Variants in FIBCD1 observed in about 807,000 individuals in gnomAD.
The protein encoded by FIBCD1 is fibrinogen C domain containing 1, also known as fibrinogen C domain-containing protein 1.
In FIBCD1, 47 loss-of-function variants were observed where a neutral mutation model predicts 45.1. That is an observed-to-expected ratio of 1.04 (90% CI 0.82 to 1.33). The LOEUF is 1.33. Among genes scored for constraint, FIBCD1 ranks in the 40% most tolerant of loss-of-function variants. The pLI, the probability that FIBCD1 is intolerant of heterozygous loss-of-function variation, is 0.00. For synonymous variants in FIBCD1, 313 were observed against 308.1 expected (o/e 1.02, Z -0.17); for missense variants, 653 against 682.2 (o/e 0.96, Z 0.48).
intron 5 of FIBCD1, among the ~76,000 whole-genome samples, chr9:130,906,354 T>A (rs1831928875): frequency 6.6e-6 from 1 of 152,176 alleles, no homozygotes; most frequent in Non-Finnish European, 1.5e-5. Context: ...CGCTTCTCCC[T>A]CCTGCCTGCC....
chr9:130,915,357 A>T (rs1159697773), intron 4 of FIBCD1, among the ~76,000 whole-genome samples: 1 of 152,194 alleles, frequency 6.6e-6, no homozygotes, highest in East Asian at 1.9e-4. Context: ...CACTGAAACC[A>T]CATACGGCCG....
At chr9:130,916,896 G>C (rs1321717520) in intron 4 of FIBCD1, among the ~76,000 whole-genome samples, 1 of 152,210 alleles carries the variant, frequency 6.6e-6, no homozygotes, top group Non-Finnish European at 1.5e-5. Flanking sequence ...TCAGGAGTTC[G>C]AGACCAGTCT....
chr9:130,929,497 T>C (rs1832408976), intron 2 of FIBCD1, 70 bp downstream of exon 2: 1 of 1,468,908 alleles, frequency 6.8e-7, no homozygotes, highest in Non-Finnish European at 9.0e-7. Context: ...ATCAGGCGCC[T>C]GGCACATGGC....
In FIBCD1 at chr9:130,913,488, T is replaced by C. The variant is rs372678703; in HGVS notation, c.850-1600A>G. On this transcript the variant is annotated intron_variant, in intron 4 of 6. Transcript: ENST00000372338. ...ATGCTCTGAGCCCTGCTCTGAGCCC[T>C]CGGGGACGTGTCCGTCACGGCGTTT... 9.5e-4 allele frequency among the ~76,000 whole-genome samples: 131 copies of C among 138,332 alleles called. 1 individual carries two copies. Among genetic ancestry groups the C allele is most frequent in the African/African-American group, 3.7e-3 (117 of 31,520 alleles). The allele number at this position is 138,332 out of a possible 152,430, so 90.8% of individuals were successfully genotyped here.
intron 4 of FIBCD1, among the ~76,000 whole-genome samples, chr9:130,914,862 G>A (rs1474187005): frequency 6.6e-6 from 1 of 152,358 alleles, no homozygotes; most frequent in Non-Finnish European, 1.5e-5. Flanking sequence ...ATGATGGGCA[G>A]TCGAGACTCA....
upstream of FIBCD1, among the ~76,000 whole-genome samples, chr9:130,940,161 G>A (rs948675271): frequency 6.6e-6 from 1 of 152,236 alleles, no homozygotes; most frequent in South Asian, 2.1e-4. Context: ...TACGCGTCCG[G>A]CACTGGCGGG....
intron 4 of FIBCD1, among the ~76,000 whole-genome samples, chr9:130,917,056 C>G (rs1013640763): frequency 6.6e-6 from 1 of 152,210 alleles, no homozygotes; most frequent in Non-Finnish European, 1.5e-5. Flanking sequence ...CAAGATCACA[C>G]CACTGCACTC....
At chr9:130,923,401 C>A (rs1303632730) in intron 4 of FIBCD1, among the ~76,000 whole-genome samples, 1 of 152,188 alleles carries the variant, frequency 6.6e-6, no homozygotes, top group African/African-American at 2.4e-5. Context: ...AGCCCTGGAA[C>A]CCACGTTAGC....
At chr9:130,918,743 A>C (rs1832207202) in intron 4 of FIBCD1, among the ~76,000 whole-genome samples, 1 of 152,152 alleles carries the variant, frequency 6.6e-6, no homozygotes. Flanking sequence ...CAGTGCCCCC[A>C]GGGAGGCCTC....
chr9:130,929,477 G>A, intron 2 of FIBCD1, 90 bp downstream of exon 2: 4 of 1,433,764 alleles, frequency 2.8e-6, no homozygotes, highest in Non-Finnish European at 9.2e-7. Context: ...GATTAAGTGA[G>A]GCCATGGACA....
In FIBCD1 at chr9:130,929,781, G is replaced by A. The variant is rs1274347071; in HGVS notation, c.338C>T (p.Ala113Val). The change falls in exon 2 of 7, where the codon GCC (alanine) becomes GTC (valine). Residue 113 changes from alanine (A) to valine (V), a missense_variant. Physicochemically the swap from Ala to Val is moderately conservative, Grantham distance 64. Coordinates refer to ENST00000372338, the MANE Select transcript of FIBCD1 (RefSeq NM_032843.5). ...CTCTGTCAGCGCCTGCAGCACCGAGGCCTGGGCGCTCTCCAGGCGTGCGAA... is the reference window on the plus strand; with the variant it reads ...CTCTGTCAGCGCCTGCAGCACCGAGACCTGGGCGCTCTCCAGGCGTGCGAA... ...DSFARLESAQ[A>V]SVLQALTEHQ... 1.9e-6 allele frequency: 3 copies of A among 1,555,622 alleles called. No homozygotes were observed. The highest frequency in any genetic ancestry group is 2.6e-6 in the Non-Finnish European group (3 of 1,149,930).
At chr9:130,914,983 G>T (rs1415783016) in intron 4 of FIBCD1, among the ~76,000 whole-genome samples, 1 of 152,262 alleles carries the variant, frequency 6.6e-6, no homozygotes, top group Non-Finnish European at 1.5e-5. Context: ...CCAGCGGCCA[G>T]GCGGCCGTGA....
intron 1 of FIBCD1, among the ~76,000 whole-genome samples, chr9:130,933,464 G>A (rs112947864): frequency 2.0e-5 from 3 of 152,284 alleles, no homozygotes; most frequent in African/African-American, 7.2e-5. Flanking sequence ...TGAGCCGGGA[G>A]CCCTGGGTTC....
intron 2 of FIBCD1, among the ~76,000 whole-genome samples, chr9:130,927,713 G>A (rs1832382652): frequency 6.6e-6 from 1 of 152,374 alleles, no homozygotes; most frequent in Non-Finnish European, 1.5e-5. Flanking sequence ...CTGTTGCTCA[G>A]GCTGGAGTGC....
At chr9:130,904,382 G>C in intron 6 of FIBCD1, 59 bp from the exon 7 acceptor site, 1 of 1,536,486 alleles carries the variant, frequency 6.5e-7, no homozygotes, top group Non-Finnish European at 8.7e-7. Flanking sequence ...CACTGGTGTT[G>C]CATGTGTGAG....
At chr9:130,930,548 A>C (rs1171419924) in intron 1 of FIBCD1, among the ~76,000 whole-genome samples, 3 of 151,996 alleles carry the variant, frequency 2.0e-5, no homozygotes, top group Non-Finnish European at 4.4e-5. Flanking sequence ...GCAGAATGCC[A>C]AGCCTTCCCT....
At chr9:130,921,584 C>T (rs558388019) in intron 4 of FIBCD1, among the ~76,000 whole-genome samples, 3 of 152,220 alleles carry the variant, frequency 2.0e-5, no homozygotes, top group African/African-American at 7.2e-5. Flanking sequence ...TCGGAATGAC[C>T]GGCCTCCCAG....
intron 5 of FIBCD1, among the ~76,000 whole-genome samples, chr9:130,909,346 G>A (rs1276921147): frequency 6.6e-6 from 1 of 152,116 alleles, no homozygotes; most frequent in Non-Finnish European, 1.5e-5. Flanking sequence ...AGTGCAGGAG[G>A]ACACTGTGGG....
intron 4 of FIBCD1, among the ~76,000 whole-genome samples, 189 bp downstream of exon 4, chr9:130,923,553 TCA>T (rs1832297825): frequency 1.3e-5 from 2 of 152,156 alleles, no homozygotes; most frequent in South Asian, 4.1e-4. Context: ...CAGGGTCAGC[TCA>T]CAGAGTCCCC....
Sources: allele counts gnomAD v4.1 joint callset (sites outside exome capture counted in the v4.1 genomes callset), GRCh38; gene constraint gnomAD v4.1.1; transcripts MANE v1.5; gene names NCBI Gene and HGNC (gene_info 2026-07-23, HGNC 2026-07-21).